Variants in COP1 observed in about 807,000 individuals in gnomAD.
COP1 encodes the protein E3 ubiquitin-protein ligase COP1.
Under a neutral mutation model 101.3 loss-of-function variants are expected in COP1, and 24 were observed. The ratio of observed to expected loss-of-function variants is 0.24; its 90% CI spans 0.17 to 0.33. The LOEUF is 0.33. Among genes scored for constraint, COP1 ranks in the 10% least tolerant of loss-of-function variants. COP1 has a pLI of 1.00. For missense variants in COP1, 663 were observed against 906.2 expected (o/e 0.73, Z 3.45); for synonymous variants, 347 against 341.9 (o/e 1.01, Z -0.17).
intron 8 of COP1, among the ~76,000 whole-genome samples, chr1:176,124,580 T>A (rs1432158045): frequency 6.6e-6 from 1 of 152,178 alleles, no homozygotes; most frequent in African/African-American, 2.4e-5. Context: ...GTTCTATCCA[T>A]GTTGTTGCAA....
At chr1:176,077,991 C>T (rs972830379) in intron 11 of COP1, among the ~76,000 whole-genome samples, 11 of 152,092 alleles carry the variant, frequency 7.2e-5, no homozygotes, top group Non-Finnish European at 7.4e-5. Flanking sequence ...TGAAAGAAAT[C>T]GAAGATGACA....
intron 1 of COP1, among the ~76,000 whole-genome samples, chr1:176,204,187 GACAA>G (rs1402553073): frequency 6.6e-6 from 1 of 152,022 alleles, no homozygotes; most frequent in East Asian, 1.9e-4. Flanking sequence ...CCTGTCCAAC[GACAA>G]ACAAAATTAC....
chr1:175,977,470 T>C (rs1256079723), intron 18 of COP1, among the ~76,000 whole-genome samples: 1 of 152,166 alleles, frequency 6.6e-6, no homozygotes, highest in Non-Finnish European at 1.5e-5. Context: ...TCAGCAGTAA[T>C]AACCTTTTTA....
intron 15 of COP1, among the ~76,000 whole-genome samples, chr1:176,015,859 G>A (rs1665536272): frequency 1.3e-5 from 2 of 152,186 alleles, no homozygotes; most frequent in Non-Finnish European, 2.9e-5. Context: ...AAGCCTTGGT[G>A]AAGTGGGCTA....
At chr1:176,084,775 G>T (rs1192530464) in intron 10 of COP1, among the ~76,000 whole-genome samples, 1 of 152,018 alleles carries the variant, frequency 6.6e-6, no homozygotes, top group Non-Finnish European at 1.5e-5. Flanking sequence ...GCAATATGTA[G>T]ATTATAAATA....
At position 176,175,913 on chromosome 1, in the gene COP1, A is replaced by G. The variant is rs1328796919; in HGVS notation, c.562T>C (p.Leu188=). The G allele has an allele frequency of 6.6e-7, 1 of 1,514,390 alleles. No individual in the cohort carries two copies. The allele number at this position is 1,514,390 out of a possible 1,614,324, so 93.8% of individuals were successfully genotyped here. The part of the protein sequence containing the change: ...DNIDHLYPNF[L]VNELILKQKQ... Reference sequence around the variant, plus strand: ...AAAAATCATTCCAAAGACTCACCCAAGAAATTAGGATACAGATGGTCAATA... The same window carrying G: ...AAAAATCATTCCAAAGACTCACCCAGGAAATTAGGATACAGATGGTCAATA... The change falls in exon 3 of 20, where the codon TTG becomes CTG. Residue 188 remains leucine (L), a synonymous_variant. Coordinates refer to ENST00000367669, the MANE Select transcript of COP1 (RefSeq NM_022457.7).
intron 15 of COP1, among the ~76,000 whole-genome samples, chr1:176,005,852 A>G (rs1476709390): frequency 1.3e-5 from 2 of 152,062 alleles, no homozygotes; most frequent in Non-Finnish European, 2.9e-5. Context: ...AGTTCTGTAG[A>G]TGTCTATTAG....
rs746158808 is a variant in COP1, at chr1:176,149,030, C to T, written c.807G>A (p.Lys269=). ...CCTCTCTCTTATTTCTTCTTGCAAC[C>T]TTGAGGAATTCCATAAGAATCTGTA... is the stretch of plus-strand genomic sequence containing the variant. ...AQLQILMEFL[K]VARRNKREQL... Residue 269 remains lysine (K), a synonymous_variant, in exon 6 of 20, where the codon AAG becomes AAA. Transcript: ENST00000367669. 1.6e-5 allele frequency: 26 copies of T among 1,585,880 alleles called. No homozygotes were observed. In the East Asian group the frequency reaches 2.5e-4, roughly 15 times the overall value.
At chr1:176,059,436 A>G (rs991696251) in intron 11 of COP1, among the ~76,000 whole-genome samples, 1 of 152,084 alleles carries the variant, frequency 6.6e-6, no homozygotes, top group African/African-American at 2.4e-5. Flanking sequence ...GAATTAAGAC[A>G]CTATAATTTT....
At position 176,002,105 on chromosome 1, in the gene COP1, T is replaced by C. The variant is rs139153881; in HGVS notation, c.1730-12626A>G. On this transcript the variant is annotated intron_variant, in intron 15 of 19. Coordinates refer to ENST00000367669, the MANE Select transcript of COP1 (RefSeq NM_022457.7). The stretch of plus-strand genomic sequence containing the variant: ...ATCTACTTGGGGTTTATTGAGCTTT[T>C]TGGATGTGTGGATTGATGTTTTCCA... Among the ~76,000 whole-genome samples the C allele has an allele frequency of 4.6e-3, 698 of 152,176 alleles. 2 individuals carry two copies. Among genetic ancestry groups the C allele is most frequent in the African/African-American group, 0.016 (662 of 41,534 alleles).
chr1:176,187,148 A>G (rs1167978368), intron 1 of COP1, among the ~76,000 whole-genome samples: 1 of 151,990 alleles, frequency 6.6e-6, no homozygotes. Flanking sequence ...TTTTTGAGAC[A>G]GTGTCTCACT....
At chr1:175,993,673 G>A (rs1040646821) in intron 15 of COP1, among the ~76,000 whole-genome samples, 4 of 152,154 alleles carry the variant, frequency 2.6e-5, no homozygotes, top group Admixed American at 2.0e-4. Context: ...ATGAAATGAA[G>A]CGAGAAGGGA....
intron 5 of COP1, among the ~76,000 whole-genome samples, chr1:176,156,021 T>C (rs916283534): frequency 6.6e-6 from 1 of 151,692 alleles, no homozygotes; most frequent in African/African-American, 2.4e-5. Context: ...AAAAAAAGGG[T>C]CTGGTGGGTT....
chr1:176,191,149 T>C (rs1699079992), intron 1 of COP1, among the ~76,000 whole-genome samples: 1 of 152,084 alleles, frequency 6.6e-6, no homozygotes, highest in African/African-American at 2.4e-5. Context: ...TTATAGAATA[T>C]TACTACATCC....
intron 11 of COP1, among the ~76,000 whole-genome samples, chr1:176,049,473 C>T (rs1470368294): frequency 2.0e-5 from 3 of 151,732 alleles, no homozygotes; most frequent in Admixed American, 6.6e-5. Context: ...TCCTTTTATA[C>T]TGTAAAAATA....
Position 176,116,696 on chromosome 1 carries a change from GA to G in COP1, c.969-16del. ...CAATAATACTACTGCAAAATGAAGA[GA>G]AAAAAATGTGATTTCAGTATTTACA... On this transcript the variant is annotated splice_polypyrimidine_tract_variant and intron_variant, in intron 8 of 19. Transcript: ENST00000367669. 5 of 1,575,264 alleles carry G rather than the reference GA, an allele frequency of 3.2e-6. No individual in the cohort carries two copies. Among genetic ancestry groups the G allele is most frequent in the South Asian group, 1.2e-5 (1 of 86,566 alleles).
chr1:176,193,788 T>C (rs779541841), intron 1 of COP1, among the ~76,000 whole-genome samples: 2 of 152,108 alleles, frequency 1.3e-5, no homozygotes, highest in East Asian at 1.9e-4. Context: ...TTAGTGATTG[T>C]AAGGGAAGAG....
intron 15 of COP1, among the ~76,000 whole-genome samples, chr1:176,021,287 C>CACA (rs1666720239): frequency 6.6e-6 from 1 of 152,094 alleles, no homozygotes. Context: ...CCAGCATGCC[C>CACA]ACACCAGAAG....
chr1:176,061,004 T>A (rs766954049), intron 11 of COP1, among the ~76,000 whole-genome samples: 1 of 152,214 alleles, frequency 6.6e-6, no homozygotes, highest in Non-Finnish European at 1.5e-5. Context: ...CTAGCCAGTA[T>A]AACTTTTGAA....
Sources: allele counts gnomAD v4.1 joint callset (sites outside exome capture counted in the v4.1 genomes callset), GRCh38; gene constraint gnomAD v4.1.1; transcripts MANE v1.5; gene names NCBI Gene and HGNC (gene_info 2026-07-23, HGNC 2026-07-21).